MGAT5: variants seen among roughly 807,000 people sequenced by gnomAD.
MGAT5 encodes alpha-1,6-mannosylglycoprotein 6-beta-N-acetylglucosaminyltransferase.
MGAT5 carries 30 observed loss-of-function variants against 94.3 expected under a neutral mutation model. The ratio of observed to expected loss-of-function variants is 0.32; its 90% confidence interval spans 0.24 to 0.43. The LOEUF (loss-of-function observed/expected upper bound fraction) is 0.43. Among genes scored for constraint, MGAT5 ranks in the 20% least tolerant of loss-of-function variants. The probability of loss-of-function intolerance (pLI) is 1.00; values close to 1 mark genes in which losing one functional copy is unlikely to be tolerated. For missense variants in MGAT5, 691 were observed against 905.5 expected (o/e 0.76, Z 3.04); for synonymous variants, 310 against 322.9 (o/e 0.96, Z 0.43).
intron 1 of MGAT5, among the ~76,000 whole-genome samples, chr2:134,213,588 T>G (rs1232160075): frequency 6.6e-6 from 1 of 152,154 alleles, no homozygotes; most frequent in Non-Finnish European, 1.5e-5. Flanking sequence ...ACAAGTCCCA[T>G]GTTGTTACCT....
intron 2 of MGAT5, among the ~76,000 whole-genome samples, chr2:134,289,584 A>G (rs1000740490): frequency 6.6e-6 from 1 of 152,230 alleles, no homozygotes; most frequent in African/African-American, 2.4e-5. Context: ...ACCATGGACT[A>G]GCATCTGAGA....
chr2:134,291,411 G>T (rs1413378002), intron 2 of MGAT5, among the ~76,000 whole-genome samples: 1 of 152,170 alleles, frequency 6.6e-6, no homozygotes, highest in Admixed American at 6.5e-5. Context: ...CCCACATGTT[G>T]ATCTTAGAAT....
chr2:134,192,820 C>A (rs528764391), intron 1 of MGAT5, among the ~76,000 whole-genome samples: 29 of 151,878 alleles, frequency 1.9e-4, no homozygotes, highest in African/African-American at 6.0e-4. Context: ...TGTTTAAAAT[C>A]TGTTGTGATA....
chr2:134,237,895 C>T (rs563503471), intron 1 of MGAT5, among the ~76,000 whole-genome samples: 6 of 151,560 alleles, frequency 4.0e-5, no homozygotes, highest in South Asian at 2.1e-4. Context: ...GGATTACAGA[C>T]GTGTGCTACC....
chr2:134,224,558 A>G (rs751101268), intron 1 of MGAT5, among the ~76,000 whole-genome samples: 1 of 152,150 alleles, frequency 6.6e-6, no homozygotes, highest in Non-Finnish European at 1.5e-5. Flanking sequence ...TGAAATGATA[A>G]TGAGTGATCT....
At chr2:134,306,042 G>A (rs1686308024) in intron 2 of MGAT5, among the ~76,000 whole-genome samples, 1 of 151,798 alleles carries the variant, frequency 6.6e-6, no homozygotes, top group Non-Finnish European at 1.5e-5. Flanking sequence ...TTTTTTCTGG[G>A]AATATATCTG....
chr2:134,222,019 C>G (rs1013842482), intron 1 of MGAT5, among the ~76,000 whole-genome samples: 1 of 151,732 alleles, frequency 6.6e-6, no homozygotes, highest in Non-Finnish European at 1.5e-5. Flanking sequence ...AAGGCTTGTT[C>G]CTCTGATTTG....
chr2:134,248,583 A>G, intron 1 of MGAT5, among the ~76,000 whole-genome samples: 1 of 152,224 alleles, frequency 6.6e-6, no homozygotes, highest in East Asian at 1.9e-4. Flanking sequence ...AGCTAAATGT[A>G]GGCTCCTTAG....
intron 1 of MGAT5, among the ~76,000 whole-genome samples, chr2:134,240,467 A>C (rs1199396276): frequency 3.3e-5 from 5 of 151,796 alleles, no homozygotes; most frequent in African/African-American, 1.2e-4. Flanking sequence ...ACCAGTATTT[A>C]TTAAGAGCTT....
intron 9 of MGAT5, among the ~76,000 whole-genome samples, chr2:134,358,584 GC>G (rs1679896630): frequency 6.6e-6 from 1 of 152,132 alleles, no homozygotes; most frequent in African/African-American, 2.4e-5. Context: ...TAAGGAATGG[GC>G]CCAGGCTGGC....
rs111463913 is a variant in MGAT5, at chr2:134,417,471, A to G, written c.1677+4456A>G. ...ATCTGTGCCAATTCAGTCTTTCACT[A>G]TCACCCATGACCTTAACCACTTTTA... On this transcript the variant is annotated intron_variant, in intron 12 of 15. Transcript: ENST00000281923. 4.4e-3 allele frequency among the ~76,000 whole-genome samples: 667 copies of G among 152,114 alleles called. 6 individuals are homozygous for G. The highest frequency in any genetic ancestry group is 0.015 in the African/African-American group (628 of 41,472).
intron 1 of MGAT5, among the ~76,000 whole-genome samples, chr2:134,148,719 A>G (rs1165185134): frequency 6.7e-6 from 1 of 148,710 alleles, no homozygotes; most frequent in East Asian, 2.0e-4. Flanking sequence ...GAACTTTCTG[A>G]GCTAGCTGTT....
chr2:134,121,153 C>T (rs1685562150), intron 1 of MGAT5, among the ~76,000 whole-genome samples: 1 of 152,188 alleles, frequency 6.6e-6, no homozygotes. Context: ...CCCCTGGCCC[C>T]TGCCTCGCCT....
chr2:134,257,428 G>A (rs1007449239), intron 1 of MGAT5, among the ~76,000 whole-genome samples: 2 of 152,094 alleles, frequency 1.3e-5, no homozygotes, highest in African/African-American at 4.8e-5. Context: ...CACCATGTTG[G>A]CCAGGCTGGT....
At chr2:134,242,279 A>G (rs1054033384) in intron 1 of MGAT5, among the ~76,000 whole-genome samples, 1 of 152,204 alleles carries the variant, frequency 6.6e-6, no homozygotes. Context: ...CTGTGTCTTC[A>G]TTTTTAACCT....
At chr2:134,189,603 T>TTTTTTTTTTTTTTTTTTTG (rs1689246555) in intron 1 of MGAT5, among the ~76,000 whole-genome samples, 3 of 57,538 alleles carry the variant, frequency 5.2e-5, no homozygotes, top group Non-Finnish European at 8.8e-5. Flanking sequence ...TTTTTTTTTG[T>TTTTTTTTTTTTTTTTTTTG]TTTTTTTTTT....
chr2:134,341,738 C>T lies in MGAT5; in HGVS notation c.956C>T (p.Ala319Val). The change falls in exon 7 of 16, where the codon GCT becomes GTT. Residue 319 changes from alanine to valine, a missense_variant. Coordinates refer to ENST00000281923, the MANE Select transcript of MGAT5 (RefSeq NM_002410.5). ...YLLGHDIRIS[A>V]SLAELKEIMK... ...CTGGGCCATGACATTAGGATTTCAG[C>T]TTCACTGGCTGAGCTCAAGGAGTAA... is the stretch of plus-strand genomic sequence containing the variant. The T allele has an allele frequency of 6.2e-7, 1 of 1,610,768 alleles. No homozygotes were observed. The highest frequency in any genetic ancestry group is 8.5e-7 in the Non-Finnish European group (1 of 1,178,716).
In MGAT5 at chr2:134,381,528, CAGACAGACAGAT is replaced by C. The variant is rs1220772501; in HGVS notation, c.1380+19124_1380+19135del. ...CAGACAGACCAGACAGACAGACAGA[CAGACAGACAGAT>C]AGATAGATAGATAGATAGCACTACA... is the stretch of plus-strand genomic sequence containing the variant. On this transcript the variant is annotated intron_variant, in intron 10 of 15. Transcript: ENST00000281923. Among the ~76,000 whole-genome samples the C allele has an allele frequency of 3.2e-4, 12 of 36,964 alleles. No individual in the cohort carries two copies. The South Asian group carries it at 5.7e-3, about 18-fold the overall frequency. 24.2% of individuals were successfully genotyped at this position (36,964 alleles called of 152,430 possible).
At chr2:134,366,938 A>G (rs1266819577) in intron 10 of MGAT5, among the ~76,000 whole-genome samples, 1 of 152,186 alleles carries the variant, frequency 6.6e-6, no homozygotes, top group Admixed American at 6.5e-5. Context: ...AGTCACCCTC[A>G]TTCCTACTTT....
Sources: gnomAD v4.1 joint callset for allele counts (sites outside exome capture counted in the v4.1 genomes callset) on GRCh38, gnomAD v4.1.1 for gene constraint, MANE v1.5 for transcripts, NCBI Gene and HGNC (gene_info 2026-07-23, HGNC 2026-07-21) for gene names.